Variants in AGTPBP1 observed in about 807,000 individuals in gnomAD.
AGTPBP1 encodes the protein cytosolic carboxypeptidase 1.
AGTPBP1 carries 70 observed loss-of-function variants against 143.9 expected under a neutral mutation model. The ratio of observed to expected loss-of-function variants is 0.49; its 90% CI spans 0.40 to 0.59. The LOEUF is 0.59. Ranked by LOEUF, AGTPBP1 falls within the 20% of genes least tolerant of loss-of-function variation. The pLI is 0.00. For missense variants in AGTPBP1, 1,229 were observed against 1,464.5 expected, an observed-to-expected ratio of 0.84 and a Z score of 2.62; for synonymous variants, 463 against 500.2, an observed-to-expected ratio of 0.93 and a Z score of 0.99.
chr9:85,572,152 G>A (rs567995050), intron 25 of AGTPBP1, among the ~76,000 whole-genome samples: 3 of 150,964 alleles, frequency 2.0e-5, no homozygotes, highest in South Asian at 2.1e-4. Flanking sequence ...TCAGCCTCCC[G>A]AGTAGCTGGG....
At chr9:85,550,957 G>C (rs1826002571) in intron 25 of AGTPBP1, among the ~76,000 whole-genome samples, 1 of 152,162 alleles carries the variant, frequency 6.6e-6, no homozygotes, top group African/African-American at 2.4e-5. Context: ...GTGGGGCCTG[G>C]TGGGAGGTGT....
intron 14 of AGTPBP1, 54 bp downstream of exon 14, chr9:85,632,608 C>T (rs1831750000): frequency 5.6e-6 from 8 of 1,432,178 alleles, no homozygotes; most frequent in Non-Finnish European, 7.5e-6. Context: ...TTTAAGACTG[C>T]CTCATATCTT....
At chr9:85,721,935 A>C (rs892759148) in intron 1 of AGTPBP1, among the ~76,000 whole-genome samples, 3 of 152,194 alleles carry the variant, frequency 2.0e-5, no homozygotes, top group Admixed American at 6.5e-5. Flanking sequence ...TATAAAGCTT[A>C]GTTGGCTAGA....
At chr9:85,560,123 A>G (rs1826610638) in intron 25 of AGTPBP1, among the ~76,000 whole-genome samples, 1 of 152,178 alleles carries the variant, frequency 6.6e-6, no homozygotes, top group South Asian at 2.1e-4. Flanking sequence ...AAATGTTGGA[A>G]GATGGAGGCA....
intron 2 of AGTPBP1, among the ~76,000 whole-genome samples, chr9:85,696,565 G>A (rs1249297820): frequency 1.3e-5 from 2 of 152,032 alleles, no homozygotes; most frequent in Non-Finnish European, 2.9e-5. Flanking sequence ...CTACTTGGGA[G>A]GCTGAGGCAG....
At chr9:85,579,981 T>C (rs1208579747) in intron 23 of AGTPBP1, among the ~76,000 whole-genome samples, 1 of 151,946 alleles carries the variant, frequency 6.6e-6, no homozygotes, top group Admixed American at 6.6e-5. Context: ...CTCACACCTG[T>C]AATCTCAGCA....
intron 20 of AGTPBP1, among the ~76,000 whole-genome samples, 183 bp downstream of exon 20, chr9:85,589,345 T>C (rs2133202575): frequency 6.6e-6 from 1 of 152,202 alleles, no homozygotes; most frequent in South Asian, 2.1e-4. Context: ...GCCCCTTATT[T>C]TCAGGATAAG....
chr9:85,692,644 G>T, intron 3 of AGTPBP1, 45 bp downstream of exon 3: 1 of 1,585,956 alleles, frequency 6.3e-7, no homozygotes, highest in African/African-American at 1.4e-5. Context: ...CACTTTTAAA[G>T]AATTAAAAAA....
chr9:85,705,449 A>G (rs1836923650), intron 2 of AGTPBP1, among the ~76,000 whole-genome samples: 1 of 152,092 alleles, frequency 6.6e-6, no homozygotes, highest in African/African-American at 2.4e-5. Context: ...AGCTGAGGCA[A>G]GAGGGCAGCT....
intron 4 of AGTPBP1, among the ~76,000 whole-genome samples, chr9:85,680,316 G>A (rs1250360469): frequency 6.6e-6 from 1 of 152,158 alleles, no homozygotes; most frequent in African/African-American, 2.4e-5. Flanking sequence ...GGGCACAGTG[G>A]CTCATGCCTG....
intron 13 of AGTPBP1, among the ~76,000 whole-genome samples, chr9:85,641,525 C>T (rs866946174): frequency 1.3e-5 from 2 of 151,782 alleles, no homozygotes; most frequent in Admixed American, 6.6e-5. Flanking sequence ...TTTCAAAGTA[C>T]CTTCTCATGT....
intron 14 of AGTPBP1, among the ~76,000 whole-genome samples, chr9:85,625,904 G>GTTTTTT (rs368474275): frequency 7.6e-5 from 8 of 105,726 alleles, no homozygotes; most frequent in Non-Finnish European, 1.3e-4. Context: ...ACCTAGTTTT[G>GTTTTTT]TTTTTTTTTT....
intron 25 of AGTPBP1, among the ~76,000 whole-genome samples, chr9:85,566,029 T>G (rs976471120): frequency 2.0e-5 from 3 of 152,234 alleles, no homozygotes; most frequent in African/African-American, 7.2e-5. Flanking sequence ...TTCAATTGAA[T>G]TTTTAAATCT....
chr9:85,706,347 T>C (rs1836995852), intron 2 of AGTPBP1, among the ~76,000 whole-genome samples: 1 of 150,628 alleles, frequency 6.6e-6, no homozygotes, highest in Admixed American at 6.6e-5. Context: ...CCTTCTCTAC[T>C]AAAAATACAA....
the AGTPBP1 span, chr9:85,786,106 A>G: frequency 0.21 from 327,416 of 1,569,990 alleles, 36,768 homozygotes; most frequent in Middle Eastern, 0.24. Flanking sequence ...TTTAGATCAT[A>G]AGGCTGGAGA....
intron 1 of AGTPBP1, among the ~76,000 whole-genome samples, chr9:85,726,136 A>G (rs894077545): frequency 3.3e-5 from 5 of 149,758 alleles, no homozygotes; most frequent in Non-Finnish European, 7.4e-5. Flanking sequence ...AGGGTGAGGT[A>G]GAAGGATCGC....
intron 2 of AGTPBP1, among the ~76,000 whole-genome samples, chr9:85,693,212 C>T (rs7863248): frequency 0.3 from 45,393 of 152,022 alleles, 7,736 homozygotes; most frequent in East Asian, 0.53. Context: ...GGTATAAATC[C>T]AGCAAGAATA....
intron 14 of AGTPBP1, among the ~76,000 whole-genome samples, chr9:85,624,952 G>C (rs1831178721): frequency 6.6e-6 from 1 of 152,132 alleles, no homozygotes; most frequent in African/African-American, 2.4e-5. Context: ...ACCTCTATCA[G>C]GGTATAGACA....
At chr9:85,622,396 A>G (rs144001365) in intron 14 of AGTPBP1, among the ~76,000 whole-genome samples, 1 of 152,364 alleles carries the variant, frequency 6.6e-6, no homozygotes, top group East Asian at 1.9e-4. Context: ...CACATAGTTT[A>G]GAAATATATG....
Sources: allele counts gnomAD v4.1 joint callset (sites outside exome capture counted in the v4.1 genomes callset), GRCh38; gene constraint gnomAD v4.1.1; transcripts MANE v1.5; gene names NCBI Gene and HGNC (gene_info 2026-07-23, HGNC 2026-07-21).